FHIT: variants seen among roughly 807,000 people sequenced by gnomAD.
FHIT encodes bis(5'-adenosyl)-triphosphatase.
In FHIT, 19 loss-of-function variants were observed where a neutral mutation model predicts 17.9. The observed-to-expected ratio is 1.06, with a 90% CI of 0.74 to 1.56. FHIT has a LOEUF of 1.56. Ranked by LOEUF, FHIT falls within the 40% of genes most tolerant of loss-of-function variation. The pLI, the probability that FHIT is intolerant of heterozygous loss-of-function variation, is 0.00. For synonymous variants in FHIT, 81 were observed against 69.7 expected, an observed-to-expected ratio of 1.16 and a Z score of -0.81; for missense variants, 248 against 189.2, an observed-to-expected ratio of 1.31 and a Z score of -1.82.
At chr3:60,712,756 G>A (rs2107940231) in intron 4 of FHIT, among the ~76,000 whole-genome samples, 1 of 145,512 alleles carries the variant, frequency 6.9e-6, no homozygotes, top group Non-Finnish European at 1.5e-5. Flanking sequence ...ACCCAATACA[G>A]GAGCACCCAG....
chr3:60,193,878 A>C (rs1702508850), intron 5 of FHIT, among the ~76,000 whole-genome samples: 1 of 152,138 alleles, frequency 6.6e-6, no homozygotes, highest in Non-Finnish European at 1.5e-5. Flanking sequence ...CCAGGAAAAG[A>C]GGTGTTTGAT....
At chr3:60,670,992 C>T (rs62251495) in intron 4 of FHIT, among the ~76,000 whole-genome samples, 9,085 of 152,230 alleles carry the variant, frequency 0.06, 340 homozygotes, top group African/African-American at 0.1. Context: ...ACATTGCCCA[C>T]CTTCATTCAT....
chr3:60,391,796 G>A (rs1431001085), intron 5 of FHIT, among the ~76,000 whole-genome samples: 1 of 152,118 alleles, frequency 6.6e-6, no homozygotes, highest in Non-Finnish European at 1.5e-5. Flanking sequence ...CCTTCATCAA[G>A]CGATGGATGA....
At chr3:60,400,589 A>G (rs1040534678) in intron 5 of FHIT, among the ~76,000 whole-genome samples, 8 of 152,162 alleles carry the variant, frequency 5.3e-5, no homozygotes, top group Admixed American at 3.3e-4. Context: ...AGAGCTGAGC[A>G]GAGGTGCTGG....
intron 4 of FHIT, among the ~76,000 whole-genome samples, chr3:60,785,143 A>T (rs555413291): frequency 6.6e-5 from 10 of 152,350 alleles, no homozygotes; most frequent in Non-Finnish European, 1.5e-4. Flanking sequence ...CACAGAGCAG[A>T]TAACTAAAGC....
At chr3:60,840,828 C>A (rs1230168806) in intron 3 of FHIT, among the ~76,000 whole-genome samples, 1 of 152,196 alleles carries the variant, frequency 6.6e-6, no homozygotes, top group East Asian at 1.9e-4. Flanking sequence ...CATATCATGA[C>A]ATGACTTTAT....
At chr3:59,762,389 A>G (rs945768430) in intron 8 of FHIT, among the ~76,000 whole-genome samples, 1 of 152,170 alleles carries the variant, frequency 6.6e-6, no homozygotes, top group African/African-American at 2.4e-5. Flanking sequence ...TTTTCCTCCC[A>G]ATATACTGGC....
At chr3:60,223,315 A>T (rs924265752) in intron 5 of FHIT, among the ~76,000 whole-genome samples, 1 of 152,170 alleles carries the variant, frequency 6.6e-6, no homozygotes, top group Non-Finnish European at 1.5e-5. Context: ...AGTCAATAGG[A>T]CAAGGTCACA....
chr3:60,985,626 T>C (rs1559887895), intron 3 of FHIT, among the ~76,000 whole-genome samples: 3 of 152,214 alleles, frequency 2.0e-5, no homozygotes, highest in South Asian at 4.1e-4. Flanking sequence ...ACAGTGAGCA[T>C]AATAATTACC....
chr3:60,079,437 A>G (rs1703179086), intron 5 of FHIT, among the ~76,000 whole-genome samples: 1 of 152,060 alleles, frequency 6.6e-6, no homozygotes, highest in South Asian at 2.1e-4. Context: ...TACTTTTAAA[A>G]AGGTCTCAGA....
intron 4 of FHIT, among the ~76,000 whole-genome samples, chr3:60,812,283 CTCCCAAGCAGCTCAGAT>C (rs1701594181): frequency 6.6e-6 from 1 of 151,500 alleles, no homozygotes; most frequent in South Asian, 2.1e-4. Context: ...TTGCCTCAGC[CTCCCAAGCAGCTCAGAT>C]TCCCAAGCAG....
intron 2 of FHIT, among the ~76,000 whole-genome samples, chr3:61,142,900 G>T (rs1259477096): frequency 6.6e-6 from 1 of 152,076 alleles, no homozygotes; most frequent in East Asian, 1.9e-4. Flanking sequence ...CTTTAAAAAG[G>T]TAGACTTAAA....
intron 4 of FHIT, among the ~76,000 whole-genome samples, chr3:60,784,198 C>T (rs1700485298): frequency 6.6e-6 from 1 of 152,144 alleles, no homozygotes; most frequent in Non-Finnish European, 1.5e-5. Flanking sequence ...GCATTCTGTC[C>T]ACGGGAAGCC....
chr3:61,198,592 T>C (rs1437818292), intron 2 of FHIT, among the ~76,000 whole-genome samples: 1 of 152,152 alleles, frequency 6.6e-6, no homozygotes, highest in Non-Finnish European at 1.5e-5. Flanking sequence ...AGAAGCTAAC[T>C]AGCAGTAGAC....
chr3:59,965,587 C>T (rs1707889816), intron 7 of FHIT, among the ~76,000 whole-genome samples: 1 of 152,108 alleles, frequency 6.6e-6, no homozygotes, highest in African/African-American at 2.4e-5. Flanking sequence ...AACTTCCTTC[C>T]ATCCTCAACA....
At chr3:60,232,736 T>G (rs1432802751) in intron 5 of FHIT, among the ~76,000 whole-genome samples, 1 of 152,128 alleles carries the variant, frequency 6.6e-6, no homozygotes, top group Non-Finnish European at 1.5e-5. Context: ...ACCATTCTGT[T>G]TGCTAAACAC....
chr3:59,777,704 C>T (rs1422013242), intron 8 of FHIT, among the ~76,000 whole-genome samples: 2 of 152,146 alleles, frequency 1.3e-5, no homozygotes, highest in Non-Finnish European at 2.9e-5. Context: ...CCTTCTAACT[C>T]TAATGTCATG....
At chr3:60,675,257 C>G (rs1000899969) in intron 4 of FHIT, among the ~76,000 whole-genome samples, 1 of 152,232 alleles carries the variant, frequency 6.6e-6, no homozygotes, top group Non-Finnish European at 1.5e-5. Context: ...TTTAGTATCT[C>G]TCTCCACTAC....
At chr3:60,228,743 G>C (rs1701643648) in intron 5 of FHIT, among the ~76,000 whole-genome samples, 1 of 152,112 alleles carries the variant, frequency 6.6e-6, no homozygotes, top group South Asian at 2.1e-4. Context: ...AACAATATTA[G>C]ATACCAACCA....
Sources: allele counts gnomAD v4.1 joint callset (sites outside exome capture counted in the v4.1 genomes callset), GRCh38; gene constraint gnomAD v4.1.1; transcripts MANE v1.5; gene names NCBI Gene and HGNC (gene_info 2026-07-23, HGNC 2026-07-21).